The following CDADC1 variants were observed in gnomAD, a reference collection of about 807,000 sequenced individuals.
CDADC1 encodes the protein dCTP deaminase.
In CDADC1, 39 loss-of-function variants were observed where a neutral mutation model predicts 54.9. The observed-to-expected ratio is 0.71, with a 90% confidence interval of 0.55 to 0.93. The LOEUF is 0.93. CDADC1 is among the 40% of genes least tolerant of loss of function. The pLI is 0.00. For missense variants in CDADC1, 518 were observed against 618.8 expected, an observed-to-expected ratio of 0.84 and a Z score of 1.73; for synonymous variants, 186 against 204.0, an observed-to-expected ratio of 0.91 and a Z score of 0.75.
rs1265246567 is a variant in CDADC1, at chr13:49,284,782, TTAAC to T, written c.1411-1437_1411-1434del. Among the ~76,000 whole-genome samples, 4 of 152,316 alleles carry T rather than the reference TTAAC, an allele frequency of 2.6e-5. No individual in the cohort carries two copies. The East Asian group carries it at 7.7e-4, about 29-fold the overall frequency. ...TCATCCCCCCTCAAGGCTCGTGATG[TTAAC>T]TAGTTAATCTGATGAGTGAACTGAT... On this transcript the variant is annotated intron_variant, in intron 8 of 9. Transcript: ENST00000251108.
chr13:49,267,963 A>C lies in CDADC1; in HGVS notation c.904A>C (p.Asn302His), dbSNP rs769012028. 1 of 1,614,166 alleles carries C rather than the reference A, an allele frequency of 6.2e-7. No homozygotes were observed. Among genetic ancestry groups the C allele is most frequent in the South Asian group, 1.1e-5 (1 of 91,090 alleles). Residue 302 changes from asparagine to histidine, a missense_variant, in exon 5 of 10, where the codon AAT becomes CAT. Physicochemically the swap from Asn to His is moderately conservative, Grantham distance 68. Coordinates refer to ENST00000251108, the MANE Select transcript of CDADC1 (RefSeq NM_030911.4). Reference protein sequence around the residue: ...NFKHFGFYRSNPEQINEIHNQ... With the variant: ...NFKHFGFYRSHPEQINEIHNQ... ...TAAACACTTCGGATTTTACCGTAGC[A>C]ATCCAGAACAGATTAATGAAATTCA...
intron 9 of CDADC1, among the ~76,000 whole-genome samples, chr13:49,288,131 A>G (rs1373291440): frequency 6.6e-6 from 1 of 152,216 alleles, no homozygotes; most frequent in Non-Finnish European, 1.5e-5. Flanking sequence ...TTAAAGCCCC[A>G]AGATTGGAAG....
At chr13:49,259,291 AAT>A (rs1487417801) in intron 3 of CDADC1, 53 bp from the exon 4 acceptor site, 1 of 1,162,054 alleles carries the variant, frequency 8.6e-7, no homozygotes, top group African/African-American at 1.6e-5. Flanking sequence ...TATAATCCAT[AAT>A]ATGATTATTA....
Position 49,247,984 on chromosome 13 carries a change from G to A in CDADC1, c.-54G>A. 6.7e-7 allele frequency: 1 copy of A among 1,501,120 alleles called. No individual in the cohort carries two copies. The highest frequency in any genetic ancestry group is 2.5e-5 in the East Asian group (1 of 40,662). The allele number at this position is 1,501,120 out of a possible 1,614,324, so 93.0% of individuals were successfully genotyped here. On this transcript the variant is annotated 5_prime_UTR_variant, in exon 1 of 10. Transcript: ENST00000251108. Reference sequence around the variant, plus strand: ...CGAGAGGCGGGGGCGCTAGGGCCGAGATCATGTCTGACTGGGAGAGGTTTC... The same window carrying A: ...CGAGAGGCGGGGGCGCTAGGGCCGAAATCATGTCTGACTGGGAGAGGTTTC...
At chr13:49,260,136 A>G (rs1174674583) in intron 4 of CDADC1, among the ~76,000 whole-genome samples, 1 of 152,166 alleles carries the variant, frequency 6.6e-6, no homozygotes, top group Non-Finnish European at 1.5e-5. Flanking sequence ...ATCTGAAGAC[A>G]GTTTGATACA....
chr13:49,270,708 T>G (rs1362200171), intron 5 of CDADC1, among the ~76,000 whole-genome samples: 1 of 152,120 alleles, frequency 6.6e-6, no homozygotes, highest in African/African-American at 2.4e-5. Flanking sequence ...GCATCAAACT[T>G]CAAAAAAACT....
chr13:49,286,494 A>G (rs1953518288), intron 9 of CDADC1, among the ~76,000 whole-genome samples: 2 of 152,334 alleles, frequency 1.3e-5, no homozygotes, highest in Middle Eastern at 6.8e-3. Flanking sequence ...CTCCTATAGA[A>G]TCTACAGGTT....
rs950197427 is a variant in CDADC1 at position 49,259,252 on chromosome 13, A to G, written c.253-94A>G. 4.3e-6 allele frequency: 4 copies of G among 920,646 alleles called. No homozygotes were observed. In the African/African-American group the frequency reaches 5.1e-5, roughly 12 times the overall value. The allele number at this position is 920,646 out of a possible 1,614,324, so 57.0% of individuals were successfully genotyped here. On this transcript the variant is annotated intron_variant, in intron 3 of 9. Coordinates refer to ENST00000251108, the MANE Select transcript of CDADC1 (RefSeq NM_030911.4). ...ACTCTGTTTAGATAAAGAATTAAAC[A>G]AAACTTCCATTTTTATTAATAATTC...
chr13:49,287,373 TTGA>T (rs1953546520), intron 9 of CDADC1, among the ~76,000 whole-genome samples: 1 of 152,220 alleles, frequency 6.6e-6, no homozygotes, highest in African/African-American at 2.4e-5. Flanking sequence ...TTAGCTTTAT[TTGA>T]TTCAAATAGA....
rs746282959 is a variant in CDADC1 at position 49,259,314 on chromosome 13, C to T, written c.253-32C>T. The T allele has an allele frequency of 2.7e-6, 4 of 1,462,590 alleles. No homozygotes were observed. The African/African-American group carries it at 4.2e-5, about 16-fold the overall frequency. 90.6% of individuals were successfully genotyped at this position (1,462,590 alleles called of 1,614,324 possible). On this transcript the variant is annotated intron_variant, in intron 3 of 9. Coordinates refer to ENST00000251108, the MANE Select transcript of CDADC1 (RefSeq NM_030911.4). ...ATAATATGATTATTAGGTGTTATAA[C>T]TAATAAGTTGTTATTTTATATCTTA...
intron 6 of CDADC1, among the ~76,000 whole-genome samples, chr13:49,276,091 CAG>C (rs1353701557): frequency 6.6e-6 from 1 of 151,988 alleles, no homozygotes; most frequent in Admixed American, 6.6e-5. Context: ...AAAAGGAAGA[CAG>C]ATAAATTAAT....
intron 4 of CDADC1, among the ~76,000 whole-genome samples, chr13:49,261,997 G>T (rs1952696891): frequency 6.6e-6 from 1 of 152,112 alleles, no homozygotes; most frequent in Non-Finnish European, 1.5e-5. Context: ...TTAGGAAGGG[G>T]GCATGGTTGA....
chr13:49,250,910 C>T (rs924543697), intron 2 of CDADC1, among the ~76,000 whole-genome samples: 38 of 152,120 alleles, frequency 2.5e-4, no homozygotes, highest in Admixed American at 7.2e-4. Context: ...ATGTTATTAA[C>T]GGCTGAGAAA....
At chr13:49,274,144 A>ACTT in intron 5 of CDADC1, 147 bp from the exon 6 acceptor site, 1 of 587,650 alleles carries the variant, frequency 1.7e-6, no homozygotes, top group East Asian at 3.1e-5. Flanking sequence ...TTATTTTAAT[A>ACTT]CTTTTCTGTA....
In CDADC1 at chr13:49,278,338, T is replaced by G; in HGVS notation, c.1051-12T>G. 6.7e-7 allele frequency: 1 copy of G among 1,497,792 alleles called. No homozygotes were observed. Among genetic ancestry groups the G allele is most frequent in the Non-Finnish European group, 9.0e-7 (1 of 1,106,830 alleles). The allele number at this position is 1,497,792 out of a possible 1,614,324, so 92.8% of individuals were successfully genotyped here. ...ATGTTGAAACTAACCATTGGTTTGCTCACTCTCGTAGAGAAGTTGTGATGG... is the reference window on the plus strand; with the variant it reads ...ATGTTGAAACTAACCATTGGTTTGCGCACTCTCGTAGAGAAGTTGTGATGG... On this transcript the variant is annotated splice_polypyrimidine_tract_variant and intron_variant, in intron 6 of 9. Coordinates refer to ENST00000251108, the MANE Select transcript of CDADC1 (RefSeq NM_030911.4).
intron 8 of CDADC1, among the ~76,000 whole-genome samples, chr13:49,285,668 C>T (rs968275806): frequency 1.8e-4 from 28 of 152,138 alleles, no homozygotes; most frequent in African/African-American, 6.5e-4. Flanking sequence ...CCACTTACTT[C>T]CAATTAAAAT....
intron 4 of CDADC1, among the ~76,000 whole-genome samples, chr13:49,263,247 AT>A (rs1306786525): frequency 1.3e-5 from 2 of 152,206 alleles, no homozygotes; most frequent in Non-Finnish European, 2.9e-5. Flanking sequence ...CAGTGATAAA[AT>A]TTGAGCTATC....
At chr13:49,272,060 AT>A (rs5803453) in intron 5 of CDADC1, among the ~76,000 whole-genome samples, 45,034 of 150,912 alleles carry the variant, frequency 0.3, 6,794 homozygotes, top group East Asian at 0.51. Flanking sequence ...GAAAAATCAC[AT>A]TTTTTTTTTC....
At chr13:49,289,973 G>A (rs1431036486) in intron 9 of CDADC1, among the ~76,000 whole-genome samples, 1 of 152,174 alleles carries the variant, frequency 6.6e-6, no homozygotes, top group Non-Finnish European at 1.5e-5. Flanking sequence ...CTGAGCCCAG[G>A]AGGTTGAGGA....
Sources: gnomAD v4.1 joint callset for allele counts (sites outside exome capture counted in the v4.1 genomes callset) on GRCh38, gnomAD v4.1.1 for gene constraint, MANE v1.5 for transcripts, NCBI Gene and HGNC (gene_info 2026-07-23, HGNC 2026-07-21) for gene names.